Variants in PRKN observed in about 807,000 individuals in gnomAD.
PRKN encodes the protein parkin RBR E3 ubiquitin protein ligase.
Under a neutral mutation model 59.5 loss-of-function variants are expected in PRKN, and 56 were observed. That is an observed-to-expected ratio of 0.94 (90% confidence interval 0.76 to 1.18). The LOEUF (loss-of-function observed/expected upper bound fraction) is 1.18, where lower values mean the gene tolerates loss of function less well. Among genes scored for constraint, PRKN ranks in the 50% most tolerant of loss-of-function variants. The pLI is 0.00. For synonymous variants in PRKN, 250 were observed against 222.1 expected, an observed-to-expected ratio of 1.13 and a Z score of -1.12; for missense variants, 657 against 596.4, an observed-to-expected ratio of 1.10 and a Z score of -1.06.
intron 2 of PRKN, among the ~76,000 whole-genome samples, chr6:162,323,058 CTG>C (rs1783097697): frequency 8.7e-6 from 1 of 115,498 alleles, no homozygotes; most frequent in African/African-American, 3.5e-5. Flanking sequence ...ATATCACACT[CTG>C]GGGACTGTTG....
chr6:162,307,835 C>G (rs745524818), intron 2 of PRKN, among the ~76,000 whole-genome samples: 20 of 151,256 alleles, frequency 1.3e-4, no homozygotes, highest in Non-Finnish European at 2.6e-4. Flanking sequence ...AAACCTTGTT[C>G]CTTTCAGCTA....
intron 7 of PRKN, among the ~76,000 whole-genome samples, chr6:161,782,970 A>C (rs1288834586): frequency 6.6e-6 from 1 of 152,196 alleles, no homozygotes; most frequent in Non-Finnish European, 1.5e-5. Flanking sequence ...ACATAACTAT[A>C]CATTAACTTA....
chr6:162,105,384 A>G (rs1013629661), intron 4 of PRKN, among the ~76,000 whole-genome samples: 1 of 152,136 alleles, frequency 6.6e-6, no homozygotes, highest in African/African-American at 2.4e-5. Context: ...TATGACAACA[A>G]ATTCTACAAA....
At chr6:162,713,307 A>C (rs1041628880) in intron 1 of PRKN, among the ~76,000 whole-genome samples, 1 of 152,216 alleles carries the variant, frequency 6.6e-6, no homozygotes, top group Non-Finnish European at 1.5e-5. Context: ...ATCCTGGCTA[A>C]CACAGTGAAA....
At chr6:162,306,803 G>A (rs1025730424) in intron 2 of PRKN, among the ~76,000 whole-genome samples, 3 of 152,104 alleles carry the variant, frequency 2.0e-5, no homozygotes, top group Non-Finnish European at 2.9e-5. Context: ...GGCCAACGAG[G>A]CAGAGCTAAG....
At chr6:161,557,810 C>G (rs1780296484) in intron 8 of PRKN, among the ~76,000 whole-genome samples, 1 of 152,214 alleles carries the variant, frequency 6.6e-6, no homozygotes, top group South Asian at 2.1e-4. Context: ...GGCCCCCTTT[C>G]AGGTCCTCCA....
chr6:162,477,640 C>T (rs1792088181), intron 1 of PRKN, among the ~76,000 whole-genome samples: 1 of 152,120 alleles, frequency 6.6e-6, no homozygotes, highest in Non-Finnish European at 1.5e-5. Context: ...CTATTTCTTG[C>T]TATACTTTCC....
At chr6:161,614,097 C>T (rs1021737765) in intron 7 of PRKN, among the ~76,000 whole-genome samples, 9 of 152,192 alleles carry the variant, frequency 5.9e-5, no homozygotes, top group Non-Finnish European at 1.2e-4. Context: ...GTCTCAAAAG[C>T]TTCTCCTGCT....
intron 4 of PRKN, among the ~76,000 whole-genome samples, chr6:162,197,533 G>A (rs1423657854): frequency 1.3e-5 from 2 of 152,028 alleles, no homozygotes; most frequent in East Asian, 3.9e-4. Flanking sequence ...CTGATTACTA[G>A]ATTTGTATAG....
intron 7 of PRKN, among the ~76,000 whole-genome samples, chr6:161,766,868 G>T (rs1789444270): frequency 6.6e-6 from 1 of 152,308 alleles, no homozygotes; most frequent in East Asian, 1.9e-4. Flanking sequence ...ATAAAAGGTG[G>T]AGAGGGAAAA....
chr6:162,689,106 T>G (rs1777674847), intron 1 of PRKN, among the ~76,000 whole-genome samples: 1 of 152,240 alleles, frequency 6.6e-6, no homozygotes, highest in Non-Finnish European at 1.5e-5. Context: ...TAGATGCTCC[T>G]AATTTGTCAA....
intron 7 of PRKN, among the ~76,000 whole-genome samples, chr6:161,596,633 G>A (rs1583274782): frequency 6.6e-6 from 1 of 152,046 alleles, no homozygotes; most frequent in Non-Finnish European, 1.5e-5. Context: ...CACAAAAAAA[G>A]CCTACTAAAT....
chr6:161,746,556 T>TA (rs1432879077), intron 7 of PRKN, among the ~76,000 whole-genome samples: 1 of 145,434 alleles, frequency 6.9e-6, no homozygotes, highest in Non-Finnish European at 1.5e-5. Context: ...TATCTATTTT[T>TA]TTATATATAT....
At chr6:162,390,426 C>CCT in intron 2 of PRKN, among the ~76,000 whole-genome samples, 1 of 141,446 alleles carries the variant, frequency 7.1e-6, no homozygotes, top group South Asian at 2.2e-4. Context: ...CACACACACA[C>CCT]ACCTTATATA....
In PRKN at chr6:161,700,239, G is replaced by C. The variant is rs1786197653; in HGVS notation, c.871+85533C>G. On this transcript the variant is annotated intron_variant, in intron 7 of 11. Coordinates refer to ENST00000366898, the MANE Select transcript of PRKN (RefSeq NM_004562.3). ...CCTTCAACATACCCTACTTCACCTT[G>C]ATTTGGGGTCTTCTTATTAGAAGTT... Among the ~76,000 whole-genome samples the C allele has an allele frequency of 1.3e-5, 2 of 151,978 alleles. 1 individual carries two copies. The highest frequency in any genetic ancestry group is 4.2e-4 in the South Asian group (2 of 4,818).
At chr6:162,325,522 C>G (rs1473433775) in intron 2 of PRKN, among the ~76,000 whole-genome samples, 1 of 152,094 alleles carries the variant, frequency 6.6e-6, no homozygotes, top group East Asian at 1.9e-4. Context: ...TACAGAGGCT[C>G]TACCACAACA....
intron 7 of PRKN, among the ~76,000 whole-genome samples, chr6:161,743,950 C>T (rs1192598989): frequency 6.6e-6 from 1 of 152,090 alleles, no homozygotes; most frequent in Non-Finnish European, 1.5e-5. Context: ...GATTACCAAA[C>T]TGTTCCACGG....
intron 6 of PRKN, among the ~76,000 whole-genome samples, chr6:161,838,440 G>T (rs564149734): frequency 3.3e-5 from 5 of 152,256 alleles, no homozygotes; most frequent in African/African-American, 9.6e-5. Flanking sequence ...CATGCCTTTG[G>T]GCAGGTCACT....
In PRKN at chr6:161,783,276, T is replaced by TA. The variant is rs879313400; in HGVS notation, c.871+2495dup. Among the ~76,000 whole-genome samples, 1,355 of 144,054 alleles carry TA rather than the reference T, an allele frequency of 9.4e-3. 14 individuals are homozygous for TA. The highest frequency in any genetic ancestry group is 0.03 in the African/African-American group (1,188 of 39,444). 94.5% of individuals were successfully genotyped at this position (144,054 alleles called of 152,430 possible). ...GTATAACTAATATTGCATTTGTACT[T>TA]AAAAAAAAAAAAGTCTCCTAGCTTA... On this transcript the variant is annotated intron_variant, in intron 7 of 11. Coordinates refer to ENST00000366898, the MANE Select transcript of PRKN (RefSeq NM_004562.3).
Sources: gnomAD v4.1 joint callset for allele counts (sites outside exome capture counted in the v4.1 genomes callset) on GRCh38, gnomAD v4.1.1 for gene constraint, MANE v1.5 for transcripts, NCBI Gene and HGNC (gene_info 2026-07-23, HGNC 2026-07-21) for gene names.